Variants in EIF3F observed in about 807,000 individuals in gnomAD.
The protein encoded by EIF3F is eukaryotic translation initiation factor 3 subunit F, also known as deubiquitinating enzyme eIF3f.
In EIF3F, 8 loss-of-function variants were observed where a neutral mutation model predicts 36.0. The observed-to-expected ratio is 0.22, with a 90% CI of 0.13 to 0.40. The LOEUF is 0.40. Among genes scored for constraint, EIF3F ranks in the 10% least tolerant of loss-of-function variants. The pLI, the probability that EIF3F is intolerant of heterozygous loss-of-function variation, is 1.00. For missense variants in EIF3F, 430 were observed against 467.6 expected (o/e 0.92, Z 0.74); for synonymous variants, 184 against 188.5 (o/e 0.98, Z 0.19).
At chr11:7,988,159 G>A (rs1942050589) in intron 1 of EIF3F, among the ~76,000 whole-genome samples, 1 of 152,168 alleles carries the variant, frequency 6.6e-6, no homozygotes, top group African/African-American at 2.4e-5. Flanking sequence ...CTGACTAAAT[G>A]TCATCGTTTT....
chr11:7,991,733 T>A, intron 1 of EIF3F, 48 bp from the exon 2 acceptor site: 1 of 1,587,688 alleles, frequency 6.3e-7, no homozygotes, highest in Non-Finnish European at 8.7e-7. Flanking sequence ...CAGAGGTTGT[T>A]GGGAGCCCTA....
At chr11:7,992,280 G>A (rs1391885207) in intron 3 of EIF3F, 117 bp downstream of exon 3, 2 of 908,726 alleles carry the variant, frequency 2.2e-6, no homozygotes, top group African/African-American at 1.7e-5. Context: ...TATTGCAAGT[G>A]TATTACTGAC....
In EIF3F at chr11:7,994,983, T is replaced by A; in HGVS notation, c.747T>A (p.Val249=). 1 of 1,612,846 alleles carries A rather than the reference T, an allele frequency of 6.2e-7. No individual in the cohort carries two copies. The highest frequency in any genetic ancestry group is 8.5e-7 in the Non-Finnish European group (1 of 1,179,778). Residue 249 remains valine, a splice_region_variant and synonymous_variant, in exon 6 of 8, where the codon GTT becomes GTA. Coordinates refer to ENST00000651655, the MANE Select transcript of EIF3F (RefSeq NM_003754.3). ...CACCCTGCCAACCAACTTCCATAGT[T>A]GACCTGATCATGAAGACCTGCTTTA... ...YAYYDTERIG[V]DLIMKTCFSP...
rs1384076194 is a variant in EIF3F, at chr11:8,001,647, A to G, written c.*5625A>G. ...TGTCTATAATATGCTGTTGTTGTGT[A>G]CGGGAAAATAAATAATATAAATACC... On this transcript the variant is annotated 3_prime_UTR_variant, in exon 8 of 8. Transcript: ENST00000651655. The G allele has an allele frequency of 6.6e-6, 1 of 152,186 alleles. No homozygotes were observed. Among genetic ancestry groups the G allele is most frequent in the Non-Finnish European group, 1.5e-5 (1 of 68,034 alleles). The allele number at this position is 152,186 out of a possible 1,614,324, so 9.4% of individuals were successfully genotyped here.
intron 5 of EIF3F, 34 bp downstream of exon 5, chr11:7,994,551 A>G (rs1942140008): frequency 1.9e-6 from 3 of 1,593,294 alleles, no homozygotes; most frequent in Admixed American, 3.4e-5. Flanking sequence ...GCGAGAGGCC[A>G]TAGGCATTTT....
chr11:7,990,422 G>T (rs935689742), intron 1 of EIF3F, among the ~76,000 whole-genome samples: 4 of 152,132 alleles, frequency 2.6e-5, no homozygotes, highest in African/African-American at 9.7e-5. Flanking sequence ...AAAAAAATTG[G>T]CGTGTAAACT....
rs1942114410 is a variant in EIF3F at position 7,992,968 on chromosome 11, C to A, written c.597C>A (p.His199Gln). 1 of 1,612,902 alleles carries A rather than the reference C, an allele frequency of 6.2e-7. No individual in the cohort carries two copies. Among genetic ancestry groups the A allele is most frequent in the Non-Finnish European group, 8.5e-7 (1 of 1,179,508 alleles). ...YYSREAPNPI[H>Q]LTVDTSLQNG... ...GCCGAGAGGCCCCCAACCCCATCCA[C>A]CTCACTGTGGACACAAGTCTCCAGA... Residue 199 changes from histidine to glutamine, a missense_variant, in exon 4 of 8, where the codon CAC becomes CAA. Coordinates refer to ENST00000651655, the MANE Select transcript of EIF3F (RefSeq NM_003754.3).
intron 1 of EIF3F, among the ~76,000 whole-genome samples, chr11:7,988,596 A>G (rs960488246): frequency 6.6e-6 from 1 of 152,226 alleles, no homozygotes; most frequent in Admixed American, 6.5e-5. Context: ...ATTCCATCTT[A>G]GTGCCAGATT....
rs1311820817 is a variant in EIF3F, at chr11:7,997,889, TA to T, written c.*1870del. ...GACATTTTTCCTTGTCATTTTTCCC[TA>T]AACAATACAAAGTATTAGATGGTGT... On this transcript the variant is annotated 3_prime_UTR_variant, in exon 8 of 8. Coordinates refer to ENST00000651655, the MANE Select transcript of EIF3F (RefSeq NM_003754.3). 1 of 152,200 alleles carries T rather than the reference TA, an allele frequency of 6.6e-6. No individual in the cohort carries two copies. The highest frequency in any genetic ancestry group is 1.9e-4 in the East Asian group (1 of 5,196). The allele number at this position is 152,200 out of a possible 1,614,324, so 9.4% of individuals were successfully genotyped here.
At position 8,001,126 on chromosome 11, in the gene EIF3F, C is replaced by T. The variant is rs189887923; in HGVS notation, c.*5104C>T. 2 of 152,264 alleles carry T rather than the reference C, an allele frequency of 1.3e-5. No homozygotes were observed. Among genetic ancestry groups the T allele is most frequent in the East Asian group, 3.9e-4 (2 of 5,192 alleles). The allele number at this position is 152,264 out of a possible 1,614,324, so 9.4% of individuals were successfully genotyped here. On this transcript the variant is annotated 3_prime_UTR_variant, in exon 8 of 8. Coordinates refer to ENST00000651655, the MANE Select transcript of EIF3F (RefSeq NM_003754.3). ...AGGATATGACCAGACAGCTCACACA[C>T]AGACACACAAATGTGAAAAGATGCT...
chr11:7,999,145 C>T lies in EIF3F; in HGVS notation c.*3123C>T, dbSNP rs1174503460. On this transcript the variant is annotated 3_prime_UTR_variant, in exon 8 of 8. Coordinates refer to ENST00000651655, the MANE Select transcript of EIF3F (RefSeq NM_003754.3). ...ATTAGCCAGGCGTGGTGGCACGCAC[C>T]TGTAGTCCCAGCTACTTGGGAAGCT... The T allele has an allele frequency of 6.6e-6, 1 of 152,246 alleles. No individual in the cohort carries two copies. Among genetic ancestry groups the T allele is most frequent in the African/African-American group, 2.4e-5 (1 of 41,446 alleles). 9.4% of individuals were successfully genotyped at this position (152,246 alleles called of 1,614,324 possible). A position where few individuals can be genotyped will look rare whatever the true frequency, so the allele number is the denominator to read the frequency against.
chr11:8,000,444 A>G lies in EIF3F; in HGVS notation c.*4422A>G, dbSNP rs1034210821. 2.0e-5 allele frequency: 3 copies of G among 152,154 alleles called. No homozygotes were observed. The highest frequency in any genetic ancestry group is 6.5e-5 in the Admixed American group (1 of 15,278). 9.4% of individuals were successfully genotyped at this position (152,154 alleles called of 1,614,324 possible). A position where few individuals can be genotyped will look rare whatever the true frequency, so the allele number is the denominator to read the frequency against. On this transcript the variant is annotated 3_prime_UTR_variant, in exon 8 of 8. Transcript: ENST00000651655. ...ATGTTGGTCAAGGGTACAAAGTTTC[A>G]GTTAAACAGGAGTAGTACGTTCCGG...
intron 1 of EIF3F, among the ~76,000 whole-genome samples, chr11:7,991,395 A>G (rs1942093230): frequency 6.6e-6 from 1 of 152,156 alleles, no homozygotes; most frequent in African/African-American, 2.4e-5. Context: ...TGGCCACTAT[A>G]TTAGCAGTCT....
At position 8,000,766 on chromosome 11, in the gene EIF3F, C is replaced by G. The variant is rs949384322; in HGVS notation, c.*4744C>G. Reference sequence around the variant, plus strand: ...TGGAAACAATGTTGGATTCCTACTTCGTTACCTGCACCAAAATAAGTTGCT... The same window carrying G: ...TGGAAACAATGTTGGATTCCTACTTGGTTACCTGCACCAAAATAAGTTGCT... On this transcript the variant is annotated 3_prime_UTR_variant, in exon 8 of 8. Transcript: ENST00000651655. 6.6e-6 allele frequency: 1 copy of G among 151,884 alleles called. No homozygotes were observed. Among genetic ancestry groups the G allele is most frequent in the Non-Finnish European group, 1.5e-5 (1 of 68,010 alleles). The allele number at this position is 151,884 out of a possible 1,614,324, so 9.4% of individuals were successfully genotyped here. A position where few individuals can be genotyped will look rare whatever the true frequency, so the allele number is the denominator to read the frequency against.
chr11:7,994,002 C>T (rs925133186), intron 4 of EIF3F, among the ~76,000 whole-genome samples: 4 of 152,230 alleles, frequency 2.6e-5, no homozygotes, highest in Admixed American at 2.0e-4. Context: ...TGACTTATAG[C>T]ACCCAATGTA....
At chr11:7,993,392 A>C (rs1589905949) in intron 4 of EIF3F, among the ~76,000 whole-genome samples, 1 of 152,340 alleles carries the variant, frequency 6.6e-6, no homozygotes, top group East Asian at 1.9e-4. Context: ...GTTTGTCATT[A>C]TCTCTAGAAC....
rs186468615 is a variant in EIF3F, at chr11:7,996,206, G to A, written c.*184G>A. ...ATGTGAGTTTATTGCCGGGTGGAAG[G>A]GAGGAAAATGTTTTAGATCACACAG... On this transcript the variant is annotated 3_prime_UTR_variant, in exon 8 of 8. Coordinates refer to ENST00000651655, the MANE Select transcript of EIF3F (RefSeq NM_003754.3). 4 of 560,472 alleles carry A rather than the reference G, an allele frequency of 7.1e-6. No homozygotes were observed. The African/African-American group carries it at 7.5e-5, about 11-fold the overall frequency. 34.7% of individuals were successfully genotyped at this position (560,472 alleles called of 1,614,324 possible).
chr11:7,990,097 G>A (rs980370316), intron 1 of EIF3F, among the ~76,000 whole-genome samples: 7 of 152,218 alleles, frequency 4.6e-5, no homozygotes, highest in African/African-American at 1.7e-4. Flanking sequence ...ACAGGACATG[G>A]TGTGATCAGA....
Position 7,992,179 on chromosome 11 carries a change from G to A in EIF3F, c.515+16G>A, listed in dbSNP as rs1307720204. 6 of 1,603,596 alleles carry A rather than the reference G, an allele frequency of 3.7e-6. No homozygotes were observed. Among genetic ancestry groups the A allele is most frequent in the African/African-American group, 1.3e-5 (1 of 74,758 alleles). ...TCCTGGGCTGGTAAGTTGGGGAGGT[G>A]GGGGCTGGGGTTAATGGAAGGTCTC... On this transcript the variant is annotated intron_variant, in intron 3 of 7. Transcript: ENST00000651655.
Sources: allele counts gnomAD v4.1 joint callset (sites outside exome capture counted in the v4.1 genomes callset), GRCh38; gene constraint gnomAD v4.1.1; transcripts MANE v1.5; gene names NCBI Gene and HGNC (gene_info 2026-07-23, HGNC 2026-07-21).